LGMN: variants seen among roughly 807,000 people sequenced by gnomAD.
LGMN encodes asparaginyl endopeptidase.
A neutral mutation model predicts 56.8 loss-of-function variants in LGMN; 36 were observed. The ratio of observed to expected loss-of-function variants is 0.63; its 90% CI spans 0.49 to 0.84. LGMN has a LOEUF of 0.84. Among genes scored for constraint, LGMN ranks in the 40% least tolerant of loss-of-function variants. The probability of loss-of-function intolerance (pLI) is 0.00; values close to 1 mark genes in which losing one functional copy is unlikely to be tolerated. For synonymous variants in LGMN, 199 were observed against 210.1 expected (o/e 0.95, Z 0.46); for missense variants, 446 against 556.1 (o/e 0.80, Z 1.99).
chr14:92,715,214 G>GGGGT (rs1555397589), intron 5 of LGMN, among the ~76,000 whole-genome samples: 2 of 148,930 alleles, frequency 1.3e-5, no homozygotes, highest in Non-Finnish European at 3.0e-5. Context: ...GGTCAGGGTG[G>GGGGT]GTGTGTGTGT....
At chr14:92,712,055 A>T (rs927705342) in intron 8 of LGMN, 100 bp from the exon 9 acceptor site, 8 of 894,418 alleles carry the variant, frequency 8.9e-6, no homozygotes, top group Non-Finnish European at 1.5e-5. Flanking sequence ...AAATCGAAGC[A>T]TGCTACTTAT....
Position 92,706,626 on chromosome 14 carries a change from G to A in LGMN, c.1048C>T (p.Arg350Cys), listed in dbSNP as rs150729870. 1.4e-4 allele frequency: 227 copies of A among 1,593,500 alleles called. No individual in the cohort carries two copies. The highest frequency in any genetic ancestry group is 1.8e-4 in the Non-Finnish European group (212 of 1,163,870). ...GCTGCCAGCAAGGAGACGATCTTACGCACTGACTTCTCAATGAGGTGCCTG... is the reference window on the plus strand; with the variant it reads ...GCTGCCAGCAAGGAGACGATCTTACACACTGACTTCTCAATGAGGTGCCTG... ...DARHLIEKSV[R>C]KIVSLLAASE... The change falls in exon 12 of 14, where the codon CGT becomes TGT. Residue 350 changes from arginine (R) to cysteine (C), a missense_variant. Coordinates refer to ENST00000334869, the MANE Select transcript of LGMN (RefSeq NM_005606.7).
intron 2 of LGMN, among the ~76,000 whole-genome samples, chr14:92,721,339 A>G (rs758033501): frequency 6.6e-6 from 1 of 152,234 alleles, no homozygotes; most frequent in Non-Finnish European, 1.5e-5. Flanking sequence ...AGCTGCAGGC[A>G]GTGTCTAAAA....
At chr14:92,720,268 C>A (rs920785330) in intron 2 of LGMN, among the ~76,000 whole-genome samples, 24 of 152,194 alleles carry the variant, frequency 1.6e-4, no homozygotes, top group African/African-American at 5.6e-4. Context: ...CTCACAGCAA[C>A]CCTTGATGAT....
rs1555399701 is a variant in LGMN at position 92,729,473 on chromosome 14, C to CA, written c.138+3175_138+3176insT. 4.4e-5 allele frequency among the ~76,000 whole-genome samples: 3 copies of CA among 67,730 alleles called. 1 individual carries two copies. The highest frequency in any genetic ancestry group is 1.1e-4 in the African/African-American group (2 of 18,694). 44.4% of individuals were successfully genotyped at this position (67,730 alleles called of 152,430 possible). The stretch of plus-strand genomic sequence containing the variant: ...CCACATCACCTCAGATCACGCCCCC[C>CA]CCCCCCGCCCCCGTTAAACACTTAA... On this transcript the variant is annotated intron_variant, in intron 2 of 13. Transcript: ENST00000334869.
At chr14:92,730,489 C>T (rs138762084) in intron 2 of LGMN, among the ~76,000 whole-genome samples, 164 of 152,212 alleles carry the variant, frequency 1.1e-3, no homozygotes, top group South Asian at 3.7e-3. Context: ...TGCACAGGTG[C>T]GATAATAGCT....
intron 2 of LGMN, among the ~76,000 whole-genome samples, chr14:92,719,320 GCCGCCA>G (rs71123372): frequency 0.087 from 4,304 of 49,198 alleles, 216 homozygotes; most frequent in East Asian, 0.29. Context: ...CACCGCCGCC[GCCGCCA>G]CCGCCACCGC....
intron 2 of LGMN, among the ~76,000 whole-genome samples, chr14:92,731,228 T>C (rs116059842): frequency 0.013 from 2,036 of 152,280 alleles, 44 homozygotes; most frequent in African/African-American, 0.047. Context: ...GCCCAATATA[T>C]AGATACTGCA....
chr14:92,705,566 C>T (rs1162102679), intron 12 of LGMN, among the ~76,000 whole-genome samples: 1 of 152,006 alleles, frequency 6.6e-6, no homozygotes, highest in African/African-American at 2.4e-5. Context: ...TTAACTCTGC[C>T]CCAGTGTGAA....
chr14:92,744,769 G>A (rs1466362148), intron 1 of LGMN, among the ~76,000 whole-genome samples: 2 of 151,728 alleles, frequency 1.3e-5, no homozygotes, highest in African/African-American at 4.8e-5. Context: ...CTAATTTTTT[G>A]TATTTTTAGT....
At position 92,714,322 on chromosome 14, in the gene LGMN, T is replaced by C; in HGVS notation, c.480+54A>G. On this transcript the variant is annotated intron_variant, in intron 6 of 13. Coordinates refer to ENST00000334869, the MANE Select transcript of LGMN (RefSeq NM_005606.7). The surrounding 1 kb of genome is among the most constrained non-coding windows in gnomAD (Gnocchi z 5.1). ...ACGCTATGGGTTTAATCTCGACACC[T>C]AGGCTTGCTTTTCTGTTCTGCTAGT... 1 of 1,256,864 alleles carries C rather than the reference T, an allele frequency of 8.0e-7. No individual in the cohort carries two copies. Among genetic ancestry groups the C allele is most frequent in the Non-Finnish European group, 1.2e-6 (1 of 858,850 alleles). The allele number at this position is 1,256,864 out of a possible 1,614,324, so 77.9% of individuals were successfully genotyped here.
Position 92,723,437 on chromosome 14 carries a change from A to G in LGMN, c.139-4593T>C, listed in dbSNP as rs529924391. ...GCAAATGTTCTCAGCAGCATTGTTC[A>G]TAATAACTAAAAATTGGAAACAACC... On this transcript the variant is annotated intron_variant, in intron 2 of 13. Coordinates refer to ENST00000334869, the MANE Select transcript of LGMN (RefSeq NM_005606.7). Among the ~76,000 whole-genome samples the G allele has an allele frequency of 2.6e-5, 4 of 152,334 alleles. No individual in the cohort carries two copies. The East Asian group carries it at 7.7e-4, about 29-fold the overall frequency.
intron 2 of LGMN, among the ~76,000 whole-genome samples, chr14:92,732,224 C>A (rs115988073): frequency 6.6e-6 from 1 of 152,098 alleles, no homozygotes; most frequent in Non-Finnish European, 1.5e-5. Context: ...CACTGGGCGA[C>A]GTCTGGAGAA....
chr14:92,715,742 C>T lies in LGMN; in HGVS notation c.404+394G>A, dbSNP rs887803447. 4.4e-5 allele frequency: 7 copies of T among 158,150 alleles called. 1 individual carries two copies. The highest frequency in any genetic ancestry group is 3.7e-4 in the Admixed American group (6 of 16,404). 9.8% of individuals were successfully genotyped at this position (158,150 alleles called of 1,614,324 possible). ...AGGGACTTACGAATGTGCCTCTCCC[C>T]GCTGGGCTGATCTGTGATCAGAGCA... On this transcript the variant is annotated intron_variant, in intron 5 of 13. Transcript: ENST00000334869.
intron 2 of LGMN, among the ~76,000 whole-genome samples, chr14:92,723,983 T>C (rs187252328): frequency 7.7e-4 from 118 of 152,310 alleles, no homozygotes; most frequent in Non-Finnish European, 1.3e-3. Context: ...CCATCCGCCT[T>C]GGCTTCCCAA....
chr14:92,719,339 TCACCGCCACCACCACCAA>T, intron 2 of LGMN, among the ~76,000 whole-genome samples: 1 of 66,566 alleles, frequency 1.5e-5, no homozygotes, highest in South Asian at 5.1e-4. Flanking sequence ...GCCACCGCCA[TCACCGCCACCACCACCAA>T]CACCACCACC....
intron 1 of LGMN, among the ~76,000 whole-genome samples, chr14:92,737,730 G>A (rs1206136791): frequency 6.6e-6 from 1 of 152,194 alleles, no homozygotes; most frequent in East Asian, 1.9e-4. Flanking sequence ...TTGGACTCTG[G>A]AAGTGATGAA....
At chr14:92,709,076 A>C (rs1332465282) in intron 11 of LGMN, among the ~76,000 whole-genome samples, 1 of 152,156 alleles carries the variant, frequency 6.6e-6, no homozygotes, top group Non-Finnish European at 1.5e-5. Flanking sequence ...TACTGAAAAC[A>C]GACTCACTGA....
chr14:92,722,371 A>G (rs1243724485), intron 2 of LGMN, among the ~76,000 whole-genome samples: 1 of 152,200 alleles, frequency 6.6e-6, no homozygotes, highest in Non-Finnish European at 1.5e-5. Context: ...ACTTGAGGTC[A>G]GGAGTTCGAG....
Sources: gnomAD v4.1 joint callset for allele counts (sites outside exome capture counted in the v4.1 genomes callset) on GRCh38, gnomAD v4.1.1 for gene constraint, Gnocchi (gnomAD v3.1) non-coding constraint, MANE v1.5 for transcripts, NCBI Gene and HGNC (gene_info 2026-07-23, HGNC 2026-07-21) for gene names.